The following RETREG1 variants were observed in gnomAD, a reference collection of about 807,000 sequenced individuals.
RETREG1 encodes the protein family with sequence similarity 134 member B.
Under a neutral mutation model 54.8 loss-of-function variants are expected in RETREG1, and 44 were observed. That is an observed-to-expected ratio of 0.80 (90% CI 0.63 to 1.03). The LOEUF is 1.03. Ranked by LOEUF, RETREG1 falls within the 50% of genes least tolerant of loss-of-function variation. The pLI is 0.00. For missense variants in RETREG1, 554 were observed against 605.1 expected, an observed-to-expected ratio of 0.92 and a Z score of 0.89; for synonymous variants, 217 against 238.5, an observed-to-expected ratio of 0.91 and a Z score of 0.83.
At chr5:16,527,935 G>A (rs1050068351) in intron 3 of RETREG1, among the ~76,000 whole-genome samples, 6 of 146,608 alleles carry the variant, frequency 4.1e-5, no homozygotes, top group Non-Finnish European at 1.5e-5. Context: ...TCAGCCTCCC[G>A]AGTAGCTGGG....
intron 3 of RETREG1, among the ~76,000 whole-genome samples, chr5:16,529,056 T>C (rs1740829021): frequency 6.6e-6 from 1 of 152,232 alleles, no homozygotes; most frequent in Non-Finnish European, 1.5e-5. Flanking sequence ...ACAATGATTA[T>C]CTCTATGATT....
chr5:16,487,283 T>G (rs1214241863), intron 3 of RETREG1, among the ~76,000 whole-genome samples: 1 of 152,180 alleles, frequency 6.6e-6, no homozygotes, highest in African/African-American at 2.4e-5. Context: ...ACCATGCACT[T>G]TCCAAGTTCA....
chr5:16,545,206 C>T (rs559240808), intron 3 of RETREG1, among the ~76,000 whole-genome samples: 2 of 152,280 alleles, frequency 1.3e-5, no homozygotes, highest in East Asian at 3.9e-4. Context: ...ATTCTGCTTG[C>T]TTCCTCATTC....
At chr5:16,552,759 T>G (rs1402421918) in intron 3 of RETREG1, among the ~76,000 whole-genome samples, 1 of 152,208 alleles carries the variant, frequency 6.6e-6, no homozygotes, top group Non-Finnish European at 1.5e-5. Context: ...GGTATAGAAG[T>G]CACCTTTCAT....
chr5:16,610,039 G>A (rs1472802316), intron 1 of RETREG1, among the ~76,000 whole-genome samples: 1 of 152,154 alleles, frequency 6.6e-6, no homozygotes, highest in East Asian at 1.9e-4. Flanking sequence ...TGCATCTCCA[G>A]GTGACACTGG....
At chr5:16,478,406 TGGGCTG>T (rs1272297484) in intron 6 of RETREG1, among the ~76,000 whole-genome samples, 1 of 152,136 alleles carries the variant, frequency 6.6e-6, no homozygotes, top group Non-Finnish European at 1.5e-5. Context: ...TCAGAAACTC[TGGGCTG>T]GGGCCTAGCA....
In RETREG1 at chr5:16,477,686, T is replaced by G. The variant is rs1254846457; in HGVS notation, c.976A>C (p.Thr326Pro). 2.5e-6 allele frequency: 4 copies of G among 1,613,086 alleles called. 1 individual carries two copies. In the South Asian group the frequency reaches 4.4e-5, roughly 18 times the overall value. ...NGTFNLSEGY[T>P]PQTDTSDDLD... ...CCATCAGAAGTGTCTGTCTGTGGAG[T>G]GTATCCTTCTGAAAGGTTGAAGGTC... The change falls in exon 8 of 9, where the codon ACT becomes CCT. Residue 326 changes from threonine to proline, a missense_variant. Thr to Pro is a conservative substitution (Grantham distance 38). Coordinates refer to ENST00000306320, the MANE Select transcript of RETREG1 (RefSeq NM_001034850.3).
intron 1 of RETREG1, among the ~76,000 whole-genome samples, chr5:16,600,094 A>C (rs941807729): frequency 1.3e-5 from 2 of 152,122 alleles, no homozygotes; most frequent in African/African-American, 2.4e-5. Context: ...TCCACCTCCC[A>C]TGTTCAAGCG....
chr5:16,584,007 T>C (rs1447420002), intron 1 of RETREG1, among the ~76,000 whole-genome samples: 1 of 152,204 alleles, frequency 6.6e-6, no homozygotes, highest in Non-Finnish European at 1.5e-5. Flanking sequence ...TGGATGGAAT[T>C]GGAGACCATT....
At chr5:16,489,552 A>G (rs1263223685) in intron 3 of RETREG1, among the ~76,000 whole-genome samples, 1 of 152,240 alleles carries the variant, frequency 6.6e-6, no homozygotes, top group Non-Finnish European at 1.5e-5. Context: ...CACTAGAAAA[A>G]ATAATGCTGC....
intron 3 of RETREG1, among the ~76,000 whole-genome samples, chr5:16,559,468 G>A (rs1465152190): frequency 6.6e-6 from 1 of 152,154 alleles, no homozygotes; most frequent in Non-Finnish European, 1.5e-5. Flanking sequence ...AGAGCACACC[G>A]CTAGGGGCAT....
Position 16,597,681 on chromosome 5 carries a change from TC to T in RETREG1, c.320+18970del, listed in dbSNP as rs531812504. ...AGTGGCTTCCTATAGAAAACAGACTTCCCCTTGCTGCCCCACTCTCAGCCTC... is the reference window on the plus strand; with the variant it reads ...AGTGGCTTCCTATAGAAAACAGACTTCCCTTGCTGCCCCACTCTCAGCCTC... On this transcript the variant is annotated intron_variant, in intron 1 of 8. Transcript: ENST00000306320. The surrounding 1 kb of genome is among the most constrained non-coding windows in gnomAD (Gnocchi z 4.3). 5.3e-4 allele frequency among the ~76,000 whole-genome samples: 81 copies of T among 151,994 alleles called. 1 individual carries two copies. The South Asian group carries it at 0.017, about 31-fold the overall frequency.
At chr5:16,553,641 T>A (rs1741607208) in intron 3 of RETREG1, among the ~76,000 whole-genome samples, 1 of 151,960 alleles carries the variant, frequency 6.6e-6, no homozygotes, top group South Asian at 2.1e-4. Context: ...GAAAAGCAAA[T>A]GAATGAGGAG....
chr5:16,596,264 C>T (rs982558496), intron 1 of RETREG1, among the ~76,000 whole-genome samples: 1 of 152,186 alleles, frequency 6.6e-6, no homozygotes, highest in East Asian at 1.9e-4. Context: ...TTCCATGATG[C>T]GTTTGAAATA....
intron 1 of RETREG1, among the ~76,000 whole-genome samples, chr5:16,574,302 C>T (rs781325209): frequency 2.0e-5 from 3 of 152,020 alleles, no homozygotes; most frequent in Non-Finnish European, 4.4e-5. Flanking sequence ...AAGCAGAATG[C>T]GCAGTAAGTC....
chr5:16,503,972 T>C (rs1739837368), intron 3 of RETREG1, among the ~76,000 whole-genome samples: 1 of 152,188 alleles, frequency 6.6e-6, no homozygotes, highest in African/African-American at 2.4e-5. Flanking sequence ...AGGTGTGCCA[T>C]GATGGTCTGC....
chr5:16,508,470 A>G, intron 3 of RETREG1: 2 of 1,103,396 alleles, frequency 1.8e-6, no homozygotes, highest in East Asian at 2.6e-5. Flanking sequence ...CATTCTTCAT[A>G]TTTTTACATT....
At chr5:16,583,429 G>A (rs1208277984) in intron 1 of RETREG1, among the ~76,000 whole-genome samples, 3 of 152,028 alleles carry the variant, frequency 2.0e-5, no homozygotes, top group Non-Finnish European at 4.4e-5. Context: ...GGAGCTGGAC[G>A]TTGCAGTGAG....
intron 3 of RETREG1, among the ~76,000 whole-genome samples, chr5:16,552,612 C>T (rs1017311394): frequency 2.6e-5 from 4 of 152,108 alleles, no homozygotes; most frequent in African/African-American, 9.7e-5. Flanking sequence ...TTCCTGCCCA[C>T]CCCCACTTTC....
Sources: gnomAD v4.1 joint callset for allele counts (sites outside exome capture counted in the v4.1 genomes callset) on GRCh38, gnomAD v4.1.1 for gene constraint, Gnocchi (gnomAD v3.1) non-coding constraint, MANE v1.5 for transcripts, NCBI Gene and HGNC (gene_info 2026-07-23, HGNC 2026-07-21) for gene names.